TRIM67: variants seen among roughly 807,000 people sequenced by gnomAD.
The protein encoded by TRIM67 is tripartite motif-containing protein 67.
TRIM67 carries 39 observed loss-of-function variants against 71.0 expected under a neutral mutation model. The observed-to-expected ratio is 0.55, with a 90% CI of 0.43 to 0.72. The LOEUF is 0.72. Among genes scored for constraint, TRIM67 ranks in the 30% least tolerant of loss-of-function variants. The probability of loss-of-function intolerance (pLI) is 0.00; values close to 1 mark genes in which losing one functional copy is unlikely to be tolerated. For missense variants in TRIM67, 973 were observed against 1,079.2 expected (o/e 0.90, Z 1.38); for synonymous variants, 481 against 473.9 (o/e 1.01, Z -0.19).
At position 231,215,399 on chromosome 1, in the gene TRIM67, G is replaced by A; in HGVS notation, c.2311G>A (p.Val771Met). The A allele has an allele frequency of 6.2e-7, 1 of 1,612,796 alleles. No individual in the cohort carries two copies. The highest frequency in any genetic ancestry group is 2.2e-5 in the East Asian group (1 of 44,836). ...VQVTLHTGLE[V>M]PTNLGRPKLS... Reference sequence around the variant, plus strand: ...GGTCACCCTGCACACAGGATTGGAAGTGCCGACTAACCTGGGGCGGCCAAA... The same window carrying A: ...GGTCACCCTGCACACAGGATTGGAAATGCCGACTAACCTGGGGCGGCCAAA... Residue 771 changes from valine to methionine, a missense_variant, in exon 10 of 10, where the codon GTG (valine) becomes ATG (methionine). Val to Met is a conservative substitution (Grantham distance 21). Transcript: ENST00000366653.
At chr1:231,201,658 A>G (rs1037308285) in intron 5 of TRIM67, 141 bp downstream of exon 5, 3 of 1,076,682 alleles carry the variant, frequency 2.8e-6, no homozygotes, top group South Asian at 1.6e-5. Context: ...AGAGTCACGG[A>G]CCTAGGTTCA....
intron 1 of TRIM67, chr1:231,184,773 G>A (rs1439174825): frequency 1.8e-6 from 1 of 550,940 alleles, no homozygotes; most frequent in Non-Finnish European, 3.2e-6. Flanking sequence ...TGAGTAGAGT[G>A]CCAGTCCCTG....
intron 1 of TRIM67, among the ~76,000 whole-genome samples, chr1:231,169,030 C>T (rs1248416541): frequency 6.6e-6 from 1 of 152,102 alleles, no homozygotes; most frequent in Non-Finnish European, 1.5e-5. Flanking sequence ...TGCTCATTCT[C>T]ATTCTGAGTG....
Position 231,219,414 on chromosome 1 carries a change from G to T in TRIM67, c.*3974G>T. ...ATCTGTAGAGGGACTGTGGCGCTCC[G>T]GCTGCTTTGTTCCATAGAAAGCCTG... On this transcript the variant is annotated 3_prime_UTR_variant, in exon 10 of 10. Coordinates refer to ENST00000366653, the MANE Select transcript of TRIM67 (RefSeq NM_001004342.5). The T allele has an allele frequency of 9.9e-7, 1 of 1,010,326 alleles. No homozygotes were observed. The allele number at this position is 1,010,326 out of a possible 1,614,324, so 62.6% of individuals were successfully genotyped here. A position where few individuals can be genotyped will look rare whatever the true frequency, so the allele number is the denominator to read the frequency against.
intron 4 of TRIM67, among the ~76,000 whole-genome samples, chr1:231,200,511 T>A (rs1287791591): frequency 1.3e-5 from 2 of 152,172 alleles, no homozygotes; most frequent in African/African-American, 4.8e-5. Flanking sequence ...CACTGCAACA[T>A]TTTCCCCAAA....
intron 7 of TRIM67, among the ~76,000 whole-genome samples, chr1:231,207,067 C>T (rs539298441): frequency 1.4e-4 from 22 of 152,118 alleles, no homozygotes; most frequent in East Asian, 3.9e-4. Context: ...CCGGAGGGGC[C>T]GGTTGAGGTG....
chr1:231,162,733 C>G lies in TRIM67; in HGVS notation c.-237C>G. The G allele has an allele frequency of 1.8e-6, 1 of 544,558 alleles. No homozygotes were observed. The highest frequency in any genetic ancestry group is 3.5e-5 in the East Asian group (1 of 28,514). 33.7% of individuals were successfully genotyped at this position (544,558 alleles called of 1,614,324 possible). On this transcript the variant is annotated 5_prime_UTR_variant, in exon 1 of 10. Transcript: ENST00000366653. ...TGGCCGCAGGTTGAAGCCGCTGGTG[C>G]GGGACCCTCGGGCAGGAGGTGAGGA...
intron 2 of TRIM67, 39 bp from the exon 3 acceptor site, chr1:231,199,008 C>T (rs367760118): frequency 1.2e-5 from 20 of 1,613,460 alleles, no homozygotes; most frequent in South Asian, 2.2e-5. Context: ...CCCCCTAAAA[C>T]TCTTTGCTTC....
chr1:231,185,750 G>A (rs762286298), intron 1 of TRIM67, among the ~76,000 whole-genome samples: 6 of 151,906 alleles, frequency 3.9e-5, no homozygotes, highest in Admixed American at 1.3e-4. Flanking sequence ...TGAGGGACAC[G>A]GTCAAGTAGA....
At chr1:231,189,433 G>A (rs1310020836) in intron 1 of TRIM67, among the ~76,000 whole-genome samples, 1 of 152,086 alleles carries the variant, frequency 6.6e-6, no homozygotes, top group African/African-American at 2.4e-5. Flanking sequence ...AATCATTGTG[G>A]GTCCAATGTC....
intron 1 of TRIM67, among the ~76,000 whole-genome samples, chr1:231,190,527 TG>T (rs1287302334): frequency 1.3e-5 from 2 of 152,150 alleles, no homozygotes; most frequent in African/African-American, 2.4e-5. Flanking sequence ...CTTCTGTTTC[TG>T]GGGGGTCACC....
intron 1 of TRIM67, chr1:231,187,536 T>C (rs1558297548): frequency 2.0e-6 from 3 of 1,532,356 alleles, no homozygotes; most frequent in East Asian, 2.4e-5. Flanking sequence ...GAGGGGCAGA[T>C]AAAAAGGTGA....
chr1:231,186,931 C>T (rs573511532), intron 1 of TRIM67, among the ~76,000 whole-genome samples: 5 of 152,172 alleles, frequency 3.3e-5, no homozygotes, highest in Middle Eastern at 3.2e-3. Context: ...CTTTCATCTT[C>T]CTGCTAGAGG....
At chr1:231,171,086 G>C (rs1409288113) in intron 1 of TRIM67, among the ~76,000 whole-genome samples, 1 of 152,172 alleles carries the variant, frequency 6.6e-6, no homozygotes, top group African/African-American at 2.4e-5. Context: ...AGAGCTCCAG[G>C]GTGCTAGGCC....
intron 1 of TRIM67, among the ~76,000 whole-genome samples, chr1:231,186,338 G>A (rs761300958): frequency 3.9e-5 from 6 of 152,320 alleles, no homozygotes; most frequent in African/African-American, 7.2e-5. Context: ...CAGCGCATCC[G>A]TGGACCTCCT....
At chr1:231,200,698 G>A (rs1337005217) in intron 4 of TRIM67, among the ~76,000 whole-genome samples, 1 of 152,164 alleles carries the variant, frequency 6.6e-6, no homozygotes, top group Non-Finnish European at 1.5e-5. Context: ...CTGACTCAGG[G>A]TCATGAGTAT....
chr1:231,186,466 G>C (rs1481841730), intron 1 of TRIM67, among the ~76,000 whole-genome samples: 1 of 152,110 alleles, frequency 6.6e-6, no homozygotes, highest in African/African-American at 2.4e-5. Context: ...CTGAAATCAG[G>C]GTGTCGGCAG....
Position 231,196,432 on chromosome 1 carries a change from C to T in TRIM67, c.1045-939C>T, listed in dbSNP as rs117781711. On this transcript the variant is annotated intron_variant, in intron 1 of 9. Transcript: ENST00000366653. ...AGATCAGCCTGAGCAACACAGCCTC[C>T]GAGACACCATCTCTACTAAAAAATG... Among the ~76,000 whole-genome samples, 140 of 151,978 alleles carry T rather than the reference C, an allele frequency of 9.2e-4. 4 individuals are homozygous for T. In the East Asian group the frequency reaches 0.022, roughly 24 times the overall value.
At chr1:231,195,310 T>C (rs527290889) in intron 1 of TRIM67, among the ~76,000 whole-genome samples, 1 of 152,166 alleles carries the variant, frequency 6.6e-6, no homozygotes, top group East Asian at 1.9e-4. Context: ...AAAGTCCAGC[T>C]CCTCAGTCAC....
Sources: gnomAD v4.1 joint callset for allele counts (sites outside exome capture counted in the v4.1 genomes callset) on GRCh38, gnomAD v4.1.1 for gene constraint, MANE v1.5 for transcripts, NCBI Gene and HGNC (gene_info 2026-07-23, HGNC 2026-07-21) for gene names.